The following ASIC2 variants were observed in gnomAD, a reference collection of about 807,000 sequenced individuals.
The protein encoded by ASIC2 is acid sensing ion channel subunit 2.
A neutral mutation model predicts 57.3 loss-of-function variants in ASIC2; 25 were observed. That is an observed-to-expected ratio of 0.44 (90% confidence interval 0.32 to 0.61). ASIC2 has a LOEUF of 0.61. ASIC2 is among the 20% of genes least tolerant of loss of function. The pLI, the probability that ASIC2 is intolerant of heterozygous loss-of-function variation, is 0.06. For synonymous variants in ASIC2, 319 were observed against 307.5 expected (o/e 1.04, Z -0.39); for missense variants, 641 against 738.1 (o/e 0.87, Z 1.52).
In ASIC2 at chr17:33,898,694, C is replaced by T. The variant is rs150424196; in HGVS notation, c.555+257284G>A. Among the ~76,000 whole-genome samples, 11 of 152,290 alleles carry T rather than the reference C, an allele frequency of 7.2e-5. No homozygotes were observed. The South Asian group carries it at 8.3e-4, about 11-fold the overall frequency. On this transcript the variant is annotated intron_variant, in intron 1 of 9. Coordinates refer to the ASIC2 transcript ENST00000359872. ...CTTCAAAATCCAATCCAAGATGCCACGTGGCATTTTGTCAGCATATCTTTT... is the reference window on the plus strand; with the variant it reads ...CTTCAAAATCCAATCCAAGATGCCATGTGGCATTTTGTCAGCATATCTTTT...
chr17:33,972,680 T>C (rs1025447310), intron 1 of ASIC2, among the ~76,000 whole-genome samples: 10 of 152,370 alleles, frequency 6.6e-5, no homozygotes, highest in Admixed American at 6.5e-4. Context: ...CATCACGCCT[T>C]ACTAAGGATT....
intron 1 of ASIC2, among the ~76,000 whole-genome samples, chr17:34,147,945 T>C (rs570785715): frequency 6.6e-6 from 1 of 151,988 alleles, no homozygotes; most frequent in South Asian, 2.1e-4. Context: ...CTTTGGGAGA[T>C]TTTTTAATGG....
intron 1 of ASIC2, among the ~76,000 whole-genome samples, chr17:33,773,100 C>T (rs1167875844): frequency 6.6e-6 from 1 of 152,166 alleles, no homozygotes; most frequent in Non-Finnish European, 1.5e-5. Context: ...AAACTCCTGA[C>T]ACATTATACC....
intron 3 of ASIC2, among the ~76,000 whole-genome samples, chr17:33,037,478 C>T (rs1289651750): frequency 1.3e-5 from 2 of 149,484 alleles, no homozygotes; most frequent in South Asian, 2.1e-4. Flanking sequence ...GCTCCATCAG[C>T]GTCTCTGAAG....
intron 1 of ASIC2, among the ~76,000 whole-genome samples, chr17:33,368,423 G>A (rs2057633403): frequency 6.6e-6 from 1 of 152,192 alleles, no homozygotes; most frequent in African/African-American, 2.4e-5. Context: ...GAGGTTTCTA[G>A]CTGAGGGCCC....
At chr17:33,518,704 G>A (rs888939178) in intron 1 of ASIC2, among the ~76,000 whole-genome samples, 3 of 152,196 alleles carry the variant, frequency 2.0e-5, no homozygotes, top group African/African-American at 7.2e-5. Context: ...TACAATATAT[G>A]AGATAATATT....
chr17:33,095,073 T>G (rs1215762810), intron 2 of ASIC2, among the ~76,000 whole-genome samples: 1 of 152,230 alleles, frequency 6.6e-6, no homozygotes, highest in East Asian at 1.9e-4. Flanking sequence ...TTGTGAGGCT[T>G]AAATGAGCCA....
chr17:33,961,973 C>T (rs1385976277), intron 1 of ASIC2, among the ~76,000 whole-genome samples: 2 of 152,186 alleles, frequency 1.3e-5, no homozygotes, highest in Non-Finnish European at 2.9e-5. Context: ...ACTCACATCA[C>T]CAAGGAGGAA....
intron 1 of ASIC2, among the ~76,000 whole-genome samples, chr17:33,445,797 CAAAAAA>C (rs60125160): frequency 3.3e-5 from 4 of 120,956 alleles, no homozygotes; most frequent in Non-Finnish European, 1.7e-5. Flanking sequence ...AACTCCATCT[CAAAAAA>C]AAAAAAAAAA....
intron 1 of ASIC2, among the ~76,000 whole-genome samples, chr17:34,012,879 G>C (rs948112931): frequency 6.6e-6 from 1 of 152,326 alleles, no homozygotes; most frequent in Admixed American, 6.5e-5. Context: ...TCAAGCGCTA[G>C]TGTGGGTTCC....
chr17:33,957,651 C>A (rs1904778067), intron 1 of ASIC2, among the ~76,000 whole-genome samples: 1 of 152,094 alleles, frequency 6.6e-6, no homozygotes, highest in Admixed American at 6.5e-5. Context: ...TACCTCCCAC[C>A]AGTTCTCTCC....
chr17:33,767,888 G>A (rs2142117658), intron 1 of ASIC2, among the ~76,000 whole-genome samples: 1 of 152,284 alleles, frequency 6.6e-6, no homozygotes, highest in Middle Eastern at 3.4e-3. Flanking sequence ...ATTAACTGCT[G>A]CTTCACTGAT....
intron 1 of ASIC2, among the ~76,000 whole-genome samples, chr17:34,098,152 C>T (rs575648156): frequency 6.6e-6 from 1 of 152,186 alleles, no homozygotes; most frequent in East Asian, 1.9e-4. Context: ...CACAGTCCAG[C>T]GAGGGAGAAA....
chr17:33,360,610 C>A (rs1385366356), intron 1 of ASIC2, among the ~76,000 whole-genome samples: 2 of 152,202 alleles, frequency 1.3e-5, no homozygotes, highest in Admixed American at 1.3e-4. Context: ...AGTCAGTTAC[C>A]TGCTCTTGGG....
intron 1 of ASIC2, among the ~76,000 whole-genome samples, chr17:33,412,531 C>T (rs981373412): frequency 1.3e-5 from 2 of 152,144 alleles, no homozygotes; most frequent in African/African-American, 4.8e-5. Context: ...AAATAATTTG[C>T]CCAAGATCAG....
intron 1 of ASIC2, chr17:34,069,364 CT>C (rs1909308785): frequency 7.4e-6 from 1 of 135,826 alleles, no homozygotes; most frequent in Non-Finnish European, 1.6e-5. Flanking sequence ...CTTTTTCTTT[CT>C]TTCTTTCCTT....
intron 1 of ASIC2, among the ~76,000 whole-genome samples, chr17:33,544,612 A>G (rs1281008291): frequency 6.6e-6 from 1 of 152,118 alleles, no homozygotes; most frequent in Non-Finnish European, 1.5e-5. Flanking sequence ...CATTTCGTTG[A>G]CTCTAAGATG....
At chr17:34,077,902 C>G (rs1482935300) in intron 1 of ASIC2, among the ~76,000 whole-genome samples, 1 of 152,148 alleles carries the variant, frequency 6.6e-6, no homozygotes, top group East Asian at 1.9e-4. Context: ...CTCAAAGACT[C>G]TCAAAACCAG....
intron 1 of ASIC2, among the ~76,000 whole-genome samples, chr17:34,139,813 CTGAGG>C (rs1415645048): frequency 6.6e-6 from 1 of 152,092 alleles, no homozygotes; most frequent in Non-Finnish European, 1.5e-5. Context: ...GGGTTTCTTT[CTGAGG>C]TAATAAAAAT....
Sources: allele counts gnomAD v4.1 joint callset (sites outside exome capture counted in the v4.1 genomes callset), GRCh38; gene constraint gnomAD v4.1.1; transcripts MANE v1.5; gene names NCBI Gene and HGNC (gene_info 2026-07-23, HGNC 2026-07-21).